The following SVIL variants were observed in gnomAD, a reference collection of about 807,000 sequenced individuals.
SVIL encodes the protein supervillin, also known as archvillin.
Under a neutral mutation model 240.4 loss-of-function variants are expected in SVIL, and 101 were observed. That is an observed-to-expected ratio of 0.42 (90% CI 0.36 to 0.50). The LOEUF is 0.50. Among genes scored for constraint, SVIL ranks in the 20% least tolerant of loss-of-function variants. The pLI, the probability that SVIL is intolerant of heterozygous loss-of-function variation, is 0.01. For synonymous variants in SVIL, 999 were observed against 1,100.0 expected (o/e 0.91, Z 1.82); for missense variants, 2,512 against 2,818.7 (o/e 0.89, Z 2.46).
chr10:29,686,224 A>G (rs1961058661), intron 2 of SVIL, among the ~76,000 whole-genome samples: 1 of 152,184 alleles, frequency 6.6e-6, no homozygotes, highest in Non-Finnish European at 1.5e-5. Flanking sequence ...TGTAACCTCT[A>G]TCTTGGAAAT....
At chr10:29,680,121 G>A (rs1336405178) in intron 2 of SVIL, among the ~76,000 whole-genome samples, 1 of 152,152 alleles carries the variant, frequency 6.6e-6, no homozygotes, top group Admixed American at 6.5e-5. Flanking sequence ...AGGGGTTGAG[G>A]CTGCAGTGAG....
intron 1 of SVIL, among the ~76,000 whole-genome samples, chr10:29,709,127 A>G (rs1180380727): frequency 1.3e-5 from 2 of 152,198 alleles, no homozygotes; most frequent in Non-Finnish European, 2.9e-5. Flanking sequence ...AAAGGAAGAA[A>G]TTATCAAAGA....
intron 2 of SVIL, among the ~76,000 whole-genome samples, chr10:29,674,167 C>CA (rs532760758): frequency 1.2e-3 from 182 of 148,238 alleles, no homozygotes; most frequent in African/African-American, 3.3e-3. Flanking sequence ...CTGATTTCTA[C>CA]AAAAAAAAAA....
chr10:29,591,944 C>G (rs1956406838), intron 1 of SVIL, among the ~76,000 whole-genome samples: 1 of 152,232 alleles, frequency 6.6e-6, no homozygotes, highest in Non-Finnish European at 1.5e-5. Context: ...CTCTAATGCT[C>G]ATGGGACATA....
intron 1 of SVIL, among the ~76,000 whole-genome samples, chr10:29,731,382 A>C (rs980788185): frequency 3.9e-5 from 6 of 152,246 alleles, no homozygotes; most frequent in African/African-American, 1.4e-4. Context: ...TAAACAAAGG[A>C]TGTGGGCAAG....
chr10:29,461,282 G>A (rs1016968763), intron 36 of SVIL, among the ~76,000 whole-genome samples: 18 of 152,206 alleles, frequency 1.2e-4, no homozygotes, highest in African/African-American at 3.9e-4. Context: ...GAGCCTTCTG[G>A]TTTCACGAAA....
intron 2 of SVIL, among the ~76,000 whole-genome samples, chr10:29,661,201 C>T (rs1959152508): frequency 6.6e-6 from 1 of 150,890 alleles, no homozygotes; most frequent in Admixed American, 6.6e-5. Context: ...GCCTGAAACA[C>T]TTGAGTCCTA....
intron 1 of SVIL, among the ~76,000 whole-genome samples, chr10:29,573,350 G>C (rs1257896979): frequency 1.3e-5 from 2 of 151,988 alleles, no homozygotes; most frequent in Non-Finnish European, 2.9e-5. Context: ...ATTTAAATAT[G>C]ACATAGTTGT....
intron 1 of SVIL, among the ~76,000 whole-genome samples, chr10:29,715,173 G>C (rs1393156853): frequency 6.6e-6 from 1 of 152,098 alleles, no homozygotes; most frequent in Non-Finnish European, 1.5e-5. Flanking sequence ...GTCCAGGCAA[G>C]GTGAGTATAT....
chr10:29,721,264 A>AAAAC, intron 1 of SVIL, among the ~76,000 whole-genome samples: 3 of 152,016 alleles, frequency 2.0e-5, no homozygotes, highest in Non-Finnish European at 4.4e-5. Context: ...AAACAAAAAA[A>AAAAC]CACCTCAATC....
At chr10:29,577,980 G>T (rs9663125) in intron 1 of SVIL, among the ~76,000 whole-genome samples, 73,807 of 151,886 alleles carry the variant, frequency 0.49, 18,839 homozygotes, top group African/African-American at 0.66. Flanking sequence ...AATGGACCCA[G>T]TTGCGTATAC....
intron 2 of SVIL, among the ~76,000 whole-genome samples, chr10:29,564,392 G>A (rs892605516): frequency 5.3e-5 from 8 of 152,262 alleles, no homozygotes; most frequent in African/African-American, 1.7e-4. Flanking sequence ...TGGTCGGAGC[G>A]GGCAGGGCAG....
At chr10:29,471,978 G>A (rs749107223) in intron 30 of SVIL, among the ~76,000 whole-genome samples, 4 of 152,150 alleles carry the variant, frequency 2.6e-5, no homozygotes, top group Admixed American at 6.5e-5. Context: ...CTGTAGTGGT[G>A]CATGCCTGAA....
intron 1 of SVIL, among the ~76,000 whole-genome samples, chr10:29,570,424 A>G (rs1248866190): frequency 6.6e-6 from 1 of 152,208 alleles, no homozygotes; most frequent in African/African-American, 2.4e-5. Context: ...CAAATATGAT[A>G]CTCAAAATAA....
intron 21 of SVIL, among the ~76,000 whole-genome samples, chr10:29,491,224 A>G (rs533506982): frequency 0.012 from 1,869 of 151,978 alleles, 22 homozygotes; most frequent in Non-Finnish European, 0.015. Context: ...TCTCAGCCAC[A>G]CCCGGATGCC....
At chr10:29,624,599 T>G (rs1428332706) in intron 1 of SVIL, among the ~76,000 whole-genome samples, 3 of 152,120 alleles carry the variant, frequency 2.0e-5, no homozygotes, top group Non-Finnish European at 2.9e-5. Context: ...GAAACACAAC[T>G]TCCCAGCAAT....
In SVIL at chr10:29,729,928, CCT is replaced by C. The variant is rs1182192585; in HGVS notation, c.-400+5821_-400+5822del. Among the ~76,000 whole-genome samples the C allele has an allele frequency of 2.0e-5, 3 of 151,144 alleles. No homozygotes were observed. In the East Asian group the frequency reaches 5.9e-4, roughly 30 times the overall value. ...TGATGGCTGGGCACTGTTTCTCTCA[CCT>C]ATAATCCCAGCATTTAGAGAGGCTG... On this transcript the variant is annotated intron_variant, in intron 1 of 35. Coordinates refer to the SVIL transcript ENST00000375400.
intron 3 of SVIL, among the ~76,000 whole-genome samples, chr10:29,555,990 A>G (rs1481185271): frequency 6.6e-6 from 1 of 152,200 alleles, no homozygotes; most frequent in Non-Finnish European, 1.5e-5. Flanking sequence ...AGCAAATGTT[A>G]ACAATGGTTT....
At chr10:29,535,339 C>T (rs530134868) in intron 7 of SVIL, among the ~76,000 whole-genome samples, 7 of 152,286 alleles carry the variant, frequency 4.6e-5, no homozygotes, top group East Asian at 3.9e-4. Flanking sequence ...CTGTGGAATG[C>T]GTGCTCCTGA....
Sources: gnomAD v4.1 joint callset for allele counts (sites outside exome capture counted in the v4.1 genomes callset) on GRCh38, gnomAD v4.1.1 for gene constraint, MANE v1.5 for transcripts, NCBI Gene and HGNC (gene_info 2026-07-23, HGNC 2026-07-21) for gene names.